Variants in ANGPTL2 observed in about 807,000 individuals in gnomAD.
The protein encoded by ANGPTL2 is angiopoietin-related protein 2.
In ANGPTL2, 25 loss-of-function variants were observed where a neutral mutation model predicts 52.8. The observed-to-expected ratio is 0.47, with a 90% CI of 0.35 to 0.66. ANGPTL2 has a LOEUF of 0.66. Ranked by LOEUF, ANGPTL2 falls within the 30% of genes least tolerant of loss-of-function variation. The probability of loss-of-function intolerance (pLI) is 0.01; values close to 1 mark genes in which losing one functional copy is unlikely to be tolerated. For missense variants in ANGPTL2, 546 were observed against 656.9 expected, an observed-to-expected ratio of 0.83 and a Z score of 1.84; for synonymous variants, 276 against 277.4, an observed-to-expected ratio of 1.00 and a Z score of 0.05.
At chr9:127,117,250 A>C (rs1179811981) in intron 1 of ANGPTL2, among the ~76,000 whole-genome samples, 2 of 151,832 alleles carry the variant, frequency 1.3e-5, no homozygotes, top group Non-Finnish European at 2.9e-5. Context: ...GCTGCTTCCA[A>C]CTCAACACCC....
intron 2 of ANGPTL2, among the ~76,000 whole-genome samples, chr9:127,103,872 C>T (rs1394261043): frequency 6.6e-6 from 1 of 152,142 alleles, no homozygotes; most frequent in East Asian, 1.9e-4. Context: ...CACCAGTTCC[C>T]CTCCAGCCTT....
At chr9:127,114,795 C>T (rs1538504) in intron 1 of ANGPTL2, among the ~76,000 whole-genome samples, 3,740 of 152,322 alleles carry the variant, frequency 0.025, 56 homozygotes, top group Middle Eastern at 0.048. Context: ...CCCCTGACGT[C>T]GGGGTTCTGG....
At chr9:127,101,318 G>A (rs763413738) in intron 2 of ANGPTL2, among the ~76,000 whole-genome samples, 1 of 152,206 alleles carries the variant, frequency 6.6e-6, no homozygotes, top group Non-Finnish European at 1.5e-5. Context: ...GAGGATCTGG[G>A]ATTAGAACTC....
At chr9:127,097,972 A>C (rs2053319366) in intron 2 of ANGPTL2, among the ~76,000 whole-genome samples, 1 of 152,240 alleles carries the variant, frequency 6.6e-6, no homozygotes, top group South Asian at 2.1e-4. Flanking sequence ...AGCGGCCAGC[A>C]TGGGAGCCAG....
At chr9:127,121,428 T>G (rs1012589922) in intron 1 of ANGPTL2, among the ~76,000 whole-genome samples, 2 of 152,188 alleles carry the variant, frequency 1.3e-5, no homozygotes, top group African/African-American at 4.8e-5. Flanking sequence ...GCATTCTCAA[T>G]TTTCCCCAGA....
At chr9:127,104,189 C>T (rs1190339335) in intron 2 of ANGPTL2, among the ~76,000 whole-genome samples, 2 of 152,152 alleles carry the variant, frequency 1.3e-5, no homozygotes, top group African/African-American at 4.8e-5. Flanking sequence ...GGAGAGAAAA[C>T]AGCTAAAAGT....
chr9:127,088,888 C>G lies in ANGPTL2; in HGVS notation c.*51G>C. 6.2e-7 allele frequency: 1 copy of G among 1,608,494 alleles called. No individual in the cohort carries two copies. Among genetic ancestry groups the G allele is most frequent in the Non-Finnish European group, 8.5e-7 (1 of 1,175,182 alleles). ...GTTCTTTGTGCTGTGGCCAGCGTGA[C>G]CAGGGTGGGCTCCTGGCAATGGCCA... On this transcript the variant is annotated 3_prime_UTR_variant, in exon 5 of 5. Transcript: ENST00000373425.
chr9:127,090,706 A>G (rs1434031423), intron 4 of ANGPTL2, among the ~76,000 whole-genome samples: 1 of 152,194 alleles, frequency 6.6e-6, no homozygotes, highest in Non-Finnish European at 1.5e-5. Context: ...CACATAGGAA[A>G]TGGAGGCAGG....
chr9:127,092,035 T>C, intron 3 of ANGPTL2, 95 bp from the exon 4 acceptor site: 2 of 1,481,410 alleles, frequency 1.4e-6, no homozygotes, highest in Admixed American at 2.0e-5. Flanking sequence ...TAGAGGGGCC[T>C]GGGAAACAAG....
chr9:127,105,312 C>T (rs370020178), intron 2 of ANGPTL2, among the ~76,000 whole-genome samples: 1 of 152,298 alleles, frequency 6.6e-6, no homozygotes. Flanking sequence ...AAGTGGGAGA[C>T]AAAAGACGGG....
In ANGPTL2 at chr9:127,093,674, T is replaced by C. The variant is rs929665872; in HGVS notation, c.1011+59A>G. On this transcript the variant is annotated intron_variant, in intron 3 of 4. Transcript: ENST00000373425. ...GGCTCTTCTATTGGTTGCTCAGGCC[T>C]CTCTTGGGGTGGGCCAGTCACCTTG... The C allele has an allele frequency of 3.1e-6, 5 of 1,590,206 alleles. No homozygotes were observed. In the African/African-American group the frequency reaches 6.7e-5, roughly 21 times the overall value.
chr9:127,096,209 T>C (rs2053116810), intron 2 of ANGPTL2, among the ~76,000 whole-genome samples: 1 of 152,072 alleles, frequency 6.6e-6, no homozygotes, highest in African/African-American at 2.4e-5. Flanking sequence ...AAAGAGCATT[T>C]GTGAAGGAGA....
At chr9:127,107,029 A>C (rs1219231938) in intron 2 of ANGPTL2, 1 of 152,234 alleles carries the variant, frequency 6.6e-6, no homozygotes, top group Non-Finnish European at 1.5e-5. Flanking sequence ...GCTGAGCTTC[A>C]GGGGACTGGA....
chr9:127,104,260 G>A (rs1389889494), intron 2 of ANGPTL2, among the ~76,000 whole-genome samples: 1 of 152,214 alleles, frequency 6.6e-6, no homozygotes, highest in Non-Finnish European at 1.5e-5. Context: ...GGCAGCTGCT[G>A]TTGGCGCTGT....
Position 127,093,865 on chromosome 9 carries a change from C to G in ANGPTL2, c.879G>C (p.Leu293=), listed in dbSNP as rs139697219. The G allele has an allele frequency of 2.5e-3, 4,030 of 1,614,094 alleles. 8 individuals are homozygous for G. The highest frequency in any genetic ancestry group is 3.1e-3 in the Admixed American group (189 of 60,012). The change falls in exon 3 of 5, where the codon CTG becomes CTC. Residue 293 remains leucine, a synonymous_variant. Coordinates refer to ENST00000373425, the MANE Select transcript of ANGPTL2 (RefSeq NM_012098.3). ...GGCGGTTGGTGTTCTCCGGCTTCAC[C>G]AGGTAGATGGAGCTGGTGTCGTGGC... is the stretch of plus-strand genomic sequence containing the variant. ...EDGHDTSSIY[L]VKPENTNRLM...
intron 1 of ANGPTL2, among the ~76,000 whole-genome samples, chr9:127,118,420 A>C (rs888112102): frequency 6.6e-6 from 1 of 152,264 alleles, no homozygotes; most frequent in South Asian, 2.1e-4. Context: ...GGTGTTTTAT[A>C]TAAATTCACA....
intron 1 of ANGPTL2, among the ~76,000 whole-genome samples, chr9:127,114,370 A>C (rs2055179480): frequency 6.6e-6 from 1 of 152,250 alleles, no homozygotes. Flanking sequence ...ATTAATAAGT[A>C]GTAGAGCCAC....
chr9:127,109,332 C>T (rs1280464299), intron 1 of ANGPTL2, among the ~76,000 whole-genome samples: 2 of 152,206 alleles, frequency 1.3e-5, no homozygotes, highest in Non-Finnish European at 2.9e-5. Flanking sequence ...CTGATTCAAC[C>T]CTGTATTCCC....
intron 2 of ANGPTL2, 51 bp downstream of exon 2, chr9:127,107,864 C>G: frequency 6.7e-7 from 1 of 1,497,520 alleles, no homozygotes; most frequent in Non-Finnish European, 8.9e-7. Context: ...CAAGGGAAGC[C>G]TGGTGCCTGG....
Sources: gnomAD v4.1 joint callset for allele counts (sites outside exome capture counted in the v4.1 genomes callset) on GRCh38, gnomAD v4.1.1 for gene constraint, MANE v1.5 for transcripts, NCBI Gene and HGNC (gene_info 2026-07-23, HGNC 2026-07-21) for gene names.